The following KCNJ10 variants were observed in gnomAD, a reference collection of about 807,000 sequenced individuals.
The protein encoded by KCNJ10 is ATP-sensitive inward rectifier potassium channel 10.
A neutral mutation model predicts 22.2 loss-of-function variants in KCNJ10; 9 were observed. The observed-to-expected ratio is 0.40, with a 90% CI of 0.24 to 0.71. KCNJ10 has a LOEUF of 0.71. Among genes scored for constraint, KCNJ10 ranks in the 30% least tolerant of loss-of-function variants. The probability of loss-of-function intolerance (pLI) is 0.35; values close to 1 mark genes in which losing one functional copy is unlikely to be tolerated. For missense variants in KCNJ10, 337 were observed against 482.7 expected (o/e 0.70, Z 2.83); for synonymous variants, 184 against 187.3 (o/e 0.98, Z 0.15).
At chr1:160,056,824 C>T (rs186759687) in intron 1 of KCNJ10, among the ~76,000 whole-genome samples, 2 of 152,320 alleles carry the variant, frequency 1.3e-5, no homozygotes, top group Non-Finnish European at 2.9e-5. Flanking sequence ...CTCATCACCC[C>T]ACCACCCCTT....
At chr1:160,048,200 ACTGAAAGC>A (rs1354809662) in intron 1 of KCNJ10, among the ~76,000 whole-genome samples, 1 of 43,918 alleles carries the variant, frequency 2.3e-5, no homozygotes, top group Non-Finnish European at 4.5e-5. Context: ...TAAGGGAATG[ACTGAAAGC>A]CTGATCTGGA....
chr1:160,067,844 C>G (rs958953906), intron 1 of KCNJ10: 2 of 152,126 alleles, frequency 1.3e-5, no homozygotes, highest in Non-Finnish European at 2.9e-5. Flanking sequence ...ATGACCCACC[C>G]CCTAGAGCTT....
At chr1:160,063,978 A>G (rs936719044) in intron 1 of KCNJ10, among the ~76,000 whole-genome samples, 3 of 152,250 alleles carry the variant, frequency 2.0e-5, no homozygotes, top group African/African-American at 7.2e-5. Flanking sequence ...ACTGAAGCAC[A>G]GAGATATTAA....
intron 1 of KCNJ10, among the ~76,000 whole-genome samples, chr1:160,061,061 C>T (rs1249082112): frequency 6.6e-6 from 1 of 152,152 alleles, no homozygotes; most frequent in Non-Finnish European, 1.5e-5. Flanking sequence ...CCACTTAAGG[C>T]TCCTAGACCC....
At chr1:160,051,789 C>T (rs1648911227) in intron 1 of KCNJ10, among the ~76,000 whole-genome samples, 1 of 152,006 alleles carries the variant, frequency 6.6e-6, no homozygotes, top group Non-Finnish European at 1.5e-5. Context: ...ACTCTCCTCC[C>T]AACGGTCTTC....
intron 1 of KCNJ10, among the ~76,000 whole-genome samples, chr1:160,053,345 C>A (rs1356555442): frequency 1.3e-5 from 2 of 152,146 alleles, no homozygotes; most frequent in South Asian, 4.1e-4. Flanking sequence ...GAAAAAGAAG[C>A]ACTTCTGGGC....
rs546624560 is a variant in KCNJ10, at chr1:160,041,143, A to T, written c.*250T>A. 1 of 556,742 alleles carries T rather than the reference A, an allele frequency of 1.8e-6. No homozygotes were observed. The highest frequency in any genetic ancestry group is 2.0e-5 in the South Asian group (1 of 49,642). The allele number at this position is 556,742 out of a possible 1,614,324, so 34.5% of individuals were successfully genotyped here. A position where few individuals can be genotyped will look rare whatever the true frequency, so the allele number is the denominator to read the frequency against. ...TTCTAAGCCACTTCAGCCTAATCCC[A>T]CTCTTTCCCCCATCCTGGCTTAAGG... On this transcript the variant is annotated 3_prime_UTR_variant, in exon 2 of 2. Transcript: ENST00000644903. The surrounding 1 kb of genome is among the most constrained non-coding windows in gnomAD (Gnocchi z 4.4).
At chr1:160,055,078 C>A (rs1483013888) in intron 1 of KCNJ10, among the ~76,000 whole-genome samples, 1 of 152,206 alleles carries the variant, frequency 6.6e-6, no homozygotes, top group African/African-American at 2.4e-5. Context: ...TTCCCCGACT[C>A]CAGCTCACTC....
chr1:160,048,726 C>T (rs1475950035), intron 1 of KCNJ10, among the ~76,000 whole-genome samples: 2 of 152,236 alleles, frequency 1.3e-5, no homozygotes, highest in Middle Eastern at 3.2e-3. Flanking sequence ...CCATTACCCA[C>T]ACTCAAAGCC....
At chr1:160,045,540 T>C (rs1648725896) in intron 1 of KCNJ10, among the ~76,000 whole-genome samples, 1 of 152,190 alleles carries the variant, frequency 6.6e-6, no homozygotes, top group African/African-American at 2.4e-5. Flanking sequence ...AAATTAAACA[T>C]ATTAGCAGAA....
chr1:160,043,385 G>T (rs927669903), intron 1 of KCNJ10, among the ~76,000 whole-genome samples: 1 of 151,366 alleles, frequency 6.6e-6, no homozygotes. Context: ...ATACTCATCT[G>T]GTTCAGAGAA....
chr1:160,054,362 C>T (rs914758023), intron 1 of KCNJ10, among the ~76,000 whole-genome samples: 6 of 152,152 alleles, frequency 3.9e-5, no homozygotes, highest in Non-Finnish European at 7.4e-5. Flanking sequence ...CTCCAGCAAT[C>T]CCAGTAGCCT....
intron 1 of KCNJ10, among the ~76,000 whole-genome samples, chr1:160,049,500 A>G (rs1648825166): frequency 6.6e-6 from 1 of 151,238 alleles, no homozygotes; most frequent in South Asian, 2.1e-4. Flanking sequence ...CCCCTCTTCC[A>G]TGAAGCCTTC....
chr1:160,053,122 G>A (rs939657114), intron 1 of KCNJ10, among the ~76,000 whole-genome samples: 6 of 152,088 alleles, frequency 3.9e-5, no homozygotes, highest in Non-Finnish European at 2.9e-5. Flanking sequence ...CTACGTTAGA[G>A]GATGATTAGG....
chr1:160,041,439 G>T lies in KCNJ10; in HGVS notation c.1094C>A (p.Ala365Asp). Residue 365 changes from alanine to aspartate, a missense_variant, in exon 2 of 2, where the codon GCT (alanine) becomes GAT (aspartate). By Grantham distance (126) the Ala-to-Asp change is moderately radical. This residue lies in a region of KCNJ10 where 65 missense variants were observed against 66.0 expected (regional missense o/e 0.98). Coordinates refer to ENST00000644903, the MANE Select transcript of KCNJ10 (RefSeq NM_002241.5). The surrounding 1 kb of genome is among the most constrained non-coding windows in gnomAD (Gnocchi z 4.4). ...ACTAAGGGCACTGCCCTCCTTCTCA[G>T]CTTGCTCCCTTAATGACTCCTCCAA... is the stretch of plus-strand genomic sequence containing the variant. ...LKLEESLREQ[A>D]EKEGSALSVR... 1.2e-6 allele frequency: 2 copies of T among 1,613,992 alleles called. No individual in the cohort carries two copies. The highest frequency in any genetic ancestry group is 1.7e-6 in the Non-Finnish European group (2 of 1,180,002).
chr1:160,065,156 A>T (rs190909642), intron 1 of KCNJ10: 1 of 152,182 alleles, frequency 6.6e-6, no homozygotes, highest in African/African-American at 2.4e-5. Flanking sequence ...GGGTGAAGCC[A>T]TGTCTACAGG....
chr1:160,061,300 G>C (rs1238279237), intron 1 of KCNJ10, among the ~76,000 whole-genome samples: 1 of 152,146 alleles, frequency 6.6e-6, no homozygotes, highest in Non-Finnish European at 1.5e-5. Flanking sequence ...TTACCTCTCA[G>C]AGCCTTGCTG....
At chr1:160,047,910 T>G (rs568961061) in intron 1 of KCNJ10, among the ~76,000 whole-genome samples, 1 of 152,284 alleles carries the variant, frequency 6.6e-6, no homozygotes, top group East Asian at 1.9e-4. Context: ...CCAGCTAATT[T>G]TTGTACTTTT....
intron 1 of KCNJ10, among the ~76,000 whole-genome samples, chr1:160,049,703 A>T (rs1229194581): frequency 3.2e-5 from 4 of 126,018 alleles, no homozygotes; most frequent in African/African-American, 1.2e-4. Flanking sequence ...ATATATATAT[A>T]TATATATATA....
Sources: gnomAD v4.1 joint callset for allele counts (sites outside exome capture counted in the v4.1 genomes callset) on GRCh38, gnomAD v4.1.1 for gene constraint, gnomAD v4.1.1 regional missense constraint, Gnocchi (gnomAD v3.1) non-coding constraint, MANE v1.5 for transcripts, NCBI Gene and HGNC (gene_info 2026-07-23, HGNC 2026-07-21) for gene names.